ABCA9: variants seen among roughly 807,000 people sequenced by gnomAD.
ABCA9 encodes the protein ATP-binding cassette sub-family A member 9.
A neutral mutation model predicts 205.3 loss-of-function variants in ABCA9; 183 were observed. That is an observed-to-expected ratio of 0.89 (90% CI 0.79 to 1.01). The LOEUF is 1.01. Ranked by LOEUF, ABCA9 falls within the 50% of genes least tolerant of loss-of-function variation. ABCA9 has a pLI of 0.00. For missense variants in ABCA9, 1,805 were observed against 1,912.4 expected (o/e 0.94, Z 1.05); for synonymous variants, 651 against 683.3 (o/e 0.95, Z 0.74).
chr17:68,977,477 T>C (rs567506643), intron 37 of ABCA9, among the ~76,000 whole-genome samples: 1 of 152,308 alleles, frequency 6.6e-6, no homozygotes, highest in East Asian at 1.9e-4. Flanking sequence ...AACATTCGTT[T>C]ATGAGTCATG....
chr17:68,975,760 C>T lies in ABCA9; in HGVS notation c.*155G>A, dbSNP rs114597843. The T allele has an allele frequency of 3.2e-4, 210 of 650,496 alleles. No homozygotes were observed. In the African/African-American group the frequency reaches 3.5e-3, roughly 11 times the overall value. 40.3% of individuals were successfully genotyped at this position (650,496 alleles called of 1,614,324 possible). On this transcript the variant is annotated 3_prime_UTR_variant, in exon 39 of 39. Transcript: ENST00000340001. The stretch of plus-strand genomic sequence containing the variant: ...CTATGATCGCCCTCACTGACATCGC[C>T]TGTTGTCTCACTGTAAGAAATACTA...
At chr17:69,062,694 G>A (rs1841494156), upstream of ABCA9, among the ~76,000 whole-genome samples, 1 of 151,954 alleles carries the variant, frequency 6.6e-6, no homozygotes, top group African/African-American at 2.4e-5. Context: ...TGTGTTTTTA[G>A]TAGAGAAGGG....
rs754982218 is a variant in ABCA9 at position 68,992,157 on chromosome 17, C to A, written c.3716+18G>T. 2 of 1,500,724 alleles carry A rather than the reference C, an allele frequency of 1.3e-6. No individual in the cohort carries two copies. The highest frequency in any genetic ancestry group is 1.4e-5 in the African/African-American group (1 of 71,472). 93.0% of individuals were successfully genotyped at this position (1,500,724 alleles called of 1,614,324 possible). A position where few individuals can be genotyped will look rare whatever the true frequency, so the allele number is the denominator to read the frequency against. On this transcript the variant is annotated intron_variant, in intron 28 of 38. Transcript: ENST00000340001. ...GAATATCAAAATGAAACATGAAATT[C>A]GATTTGATTTTCTCAACCTGAACAC...
At chr17:69,057,838 T>C (rs1369859437) in intron 1 of ABCA9, among the ~76,000 whole-genome samples, 2 of 150,390 alleles carry the variant, frequency 1.3e-5, no homozygotes, top group Non-Finnish European at 2.9e-5. Context: ...GAAGCTTTTT[T>C]TTTCTTGTCA....
rs147843806 is a variant in ABCA9, at chr17:68,984,083, A to C, written c.4472T>G (p.Val1491Gly). 1 of 1,614,062 alleles carries C rather than the reference A, an allele frequency of 6.2e-7. No homozygotes were observed. Among genetic ancestry groups the C allele is most frequent in the African/African-American group, 1.3e-5 (1 of 75,014 alleles). ...MAEAEAVCDR[V>G]AIMVSGRLRC... ...CAGCCTTCCTGACACCATGATGGCC[A>C]CTCGGTCACACACCGCCTCAGCCTC... Residue 1491 changes from valine to glycine, a missense_variant, in exon 35 of 39, where the codon GTG becomes GGG. By Grantham distance (109) the Val-to-Gly change is moderately radical (BLOSUM62 -3). Transcript: ENST00000340001.
chr17:69,017,166 C>T (rs756891999), intron 21 of ABCA9, among the ~76,000 whole-genome samples: 9 of 152,066 alleles, frequency 5.9e-5, no homozygotes, highest in Admixed American at 5.2e-4. Context: ...GGCCACACTT[C>T]GTGACACCTA....
At chr17:68,983,989 C>T in intron 35 of ABCA9, 67 bp downstream of exon 35, 1 of 1,605,804 alleles carries the variant, frequency 6.2e-7, no homozygotes, top group African/African-American at 1.3e-5. Flanking sequence ...TAGCCTGGTG[C>T]AGGGAAATAA....
intron 25 of ABCA9, among the ~76,000 whole-genome samples, chr17:69,001,276 T>C (rs2069856237): frequency 1.3e-5 from 2 of 152,198 alleles, no homozygotes; most frequent in African/African-American, 4.8e-5. Context: ...TAACTCTTAT[T>C]ATTTTGAATG....
intron 23 of ABCA9, among the ~76,000 whole-genome samples, chr17:69,011,457 T>A (rs1284297099): frequency 6.6e-6 from 1 of 152,204 alleles, no homozygotes; most frequent in Non-Finnish European, 1.5e-5. Context: ...AAACATGTCC[T>A]GAGCATCAGT....
rs2070707158 is a variant in ABCA9 at position 69,018,404 on chromosome 17, C to T, written c.2767+9G>A. On this transcript the variant is annotated intron_variant, in intron 20 of 38. Transcript: ENST00000340001. ...ACATTTAACAGCTGCATTTCAGCCC[C>T]ATGTTCACCTGTCTTATTGATGACC... is the stretch of plus-strand genomic sequence containing the variant. The T allele has an allele frequency of 6.6e-7, 1 of 1,526,062 alleles. No homozygotes were observed. The highest frequency in any genetic ancestry group is 2.4e-5 in the East Asian group (1 of 41,502). 94.5% of individuals were successfully genotyped at this position (1,526,062 alleles called of 1,614,324 possible).
upstream of ABCA9, among the ~76,000 whole-genome samples, chr17:69,064,121 A>C (rs1040024614): frequency 6.6e-6 from 1 of 152,188 alleles, no homozygotes; most frequent in Non-Finnish European, 1.5e-5. Flanking sequence ...AAGGGGATGT[A>C]AGTCCTTTGG....
chr17:69,043,468 G>T, intron 6 of ABCA9, 21 bp downstream of exon 6: 1 of 1,533,402 alleles, frequency 6.5e-7, no homozygotes, highest in Non-Finnish European at 8.9e-7. Flanking sequence ...CTGTATAATG[G>T]ATTGGAGTCA....
intron 16 of ABCA9, among the ~76,000 whole-genome samples, chr17:69,025,800 T>C (rs947329756): frequency 5.9e-5 from 9 of 152,174 alleles, no homozygotes; most frequent in Admixed American, 5.2e-4. Flanking sequence ...GTTAAAACTA[T>C]CTGAAGTGGT....
chr17:69,046,744 A>G (rs1281236006), intron 3 of ABCA9, among the ~76,000 whole-genome samples: 1 of 151,204 alleles, frequency 6.6e-6, no homozygotes, highest in Non-Finnish European at 1.5e-5. Flanking sequence ...TTGGGTTTCA[A>G]TTTCTTTTTG....
At chr17:68,995,786 C>T in intron 26 of ABCA9, 109 bp downstream of exon 26, 1 of 1,393,786 alleles carries the variant, frequency 7.2e-7, no homozygotes, top group Non-Finnish European at 9.8e-7. Context: ...AAGACAGAGA[C>T]TTTTAAACTT....
chr17:69,074,577 T>C, the ABCA9 span, among the ~76,000 whole-genome samples: 1 of 152,184 alleles, frequency 6.6e-6, no homozygotes, highest in Non-Finnish European at 1.5e-5. Flanking sequence ...AGGACATGAT[T>C]TTGTTCCTTT....
At chr17:69,060,615 T>G (rs775133392) in intron 1 of ABCA9, among the ~76,000 whole-genome samples, 22 of 152,236 alleles carry the variant, frequency 1.4e-4, no homozygotes, top group Non-Finnish European at 3.1e-4. Flanking sequence ...TTTGATTTAT[T>G]CAATAGCCTA....
the ABCA9 span, among the ~76,000 whole-genome samples, chr17:69,068,413 A>C: frequency 6.6e-6 from 1 of 152,232 alleles, no homozygotes; most frequent in Non-Finnish European, 1.5e-5. Context: ...TTGTTGAACT[A>C]TGCTAATGTG....
rs566310879 is a variant in ABCA9, at chr17:68,977,362, A to G, written c.4721-1172T>C. On this transcript the variant is annotated intron_variant, in intron 37 of 38. Coordinates refer to ENST00000340001, the MANE Select transcript of ABCA9 (RefSeq NM_080283.4). ...AGGGCCAGCAATTCTTCATTTCTAT[A>G]CTGGAGACCCCAATGTGATATCATA... Among the ~76,000 whole-genome samples the G allele has an allele frequency of 2.6e-5, 4 of 152,274 alleles. No homozygotes were observed. The South Asian group carries it at 8.3e-4, about 32-fold the overall frequency.
Sources: allele counts gnomAD v4.1 joint callset (sites outside exome capture counted in the v4.1 genomes callset), GRCh38; gene constraint gnomAD v4.1.1; transcripts MANE v1.5; gene names NCBI Gene and HGNC (gene_info 2026-07-23, HGNC 2026-07-21).